The following CLSTN2 variants were observed in gnomAD, a reference collection of about 807,000 sequenced individuals.
CLSTN2 encodes calsyntenin 2, also known as calsyntenin-2.
CLSTN2 carries 48 observed loss-of-function variants against 101.2 expected under a neutral mutation model. That is an observed-to-expected ratio of 0.47 (90% confidence interval 0.38 to 0.60). The LOEUF is 0.60. CLSTN2 is among the 20% of genes least tolerant of loss of function. The pLI is 0.00. For synonymous variants in CLSTN2, 481 were observed against 463.6 expected, an observed-to-expected ratio of 1.04 and a Z score of -0.48; for missense variants, 1,160 against 1,238.2, an observed-to-expected ratio of 0.94 and a Z score of 0.95.
intron 1 of CLSTN2, among the ~76,000 whole-genome samples, chr3:139,987,508 A>G (rs977413067): frequency 6.6e-6 from 1 of 152,198 alleles, no homozygotes; most frequent in African/African-American, 2.4e-5. Context: ...CACCTTTCTC[A>G]CCAACAGGGT....
chr3:140,131,838 G>C (rs1195682743), intron 1 of CLSTN2, among the ~76,000 whole-genome samples: 1 of 152,058 alleles, frequency 6.6e-6, no homozygotes, highest in Non-Finnish European at 1.5e-5. Flanking sequence ...AAGATACAGA[G>C]GGGAGAATGC....
At chr3:140,437,207 C>T (rs911998997) in intron 5 of CLSTN2, among the ~76,000 whole-genome samples, 3 of 152,096 alleles carry the variant, frequency 2.0e-5, no homozygotes, top group Non-Finnish European at 2.9e-5. Flanking sequence ...CACCACCATG[C>T]CCAGCTAATG....
At chr3:140,357,123 A>G (rs1446232975) in intron 2 of CLSTN2, among the ~76,000 whole-genome samples, 2 of 152,206 alleles carry the variant, frequency 1.3e-5, no homozygotes, top group Non-Finnish European at 2.9e-5. Flanking sequence ...TTGAACCTCA[A>G]TCTGGAAAAT....
chr3:140,260,856 T>A (rs367815348), intron 2 of CLSTN2, among the ~76,000 whole-genome samples: 1 of 152,254 alleles, frequency 6.6e-6, no homozygotes, highest in Admixed American at 6.5e-5. Flanking sequence ...TTTGAGAAGT[T>A]TTGCTCAGTC....
intron 2 of CLSTN2, among the ~76,000 whole-genome samples, chr3:140,280,414 G>T (rs2086833270): frequency 6.6e-6 from 1 of 152,098 alleles, no homozygotes; most frequent in Non-Finnish European, 1.5e-5. Context: ...AAAATTACTG[G>T]TAGAAGAGAG....
intron 2 of CLSTN2, among the ~76,000 whole-genome samples, chr3:140,212,881 GC>G (rs1365680170): frequency 1.3e-5 from 2 of 152,136 alleles, no homozygotes; most frequent in East Asian, 3.9e-4. Flanking sequence ...CCCTCACAGT[GC>G]CCTTCATTCC....
chr3:140,230,446 A>G (rs1481197739), intron 2 of CLSTN2, among the ~76,000 whole-genome samples: 2 of 152,224 alleles, frequency 1.3e-5, no homozygotes, highest in Non-Finnish European at 2.9e-5. Context: ...TCCAAAATTT[A>G]TATGTTGAAA....
intron 2 of CLSTN2, among the ~76,000 whole-genome samples, chr3:140,356,489 G>C (rs1286541111): frequency 6.6e-6 from 1 of 152,048 alleles, no homozygotes; most frequent in Non-Finnish European, 1.5e-5. Flanking sequence ...GCTGGGCGCG[G>C]TGGCTCATGC....
intron 1 of CLSTN2, among the ~76,000 whole-genome samples, chr3:139,994,895 T>C (rs558550648): frequency 6.6e-6 from 1 of 152,338 alleles, no homozygotes; most frequent in South Asian, 2.1e-4. Context: ...TTCCTTCTTA[T>C]TTCTTTTCCT....
At chr3:140,323,761 G>A (rs2087305854) in intron 2 of CLSTN2, among the ~76,000 whole-genome samples, 1 of 152,208 alleles carries the variant, frequency 6.6e-6, no homozygotes, top group Non-Finnish European at 1.5e-5. Flanking sequence ...GACTCAACTG[G>A]AAGAAACAAT....
intron 2 of CLSTN2, among the ~76,000 whole-genome samples, chr3:140,371,448 C>T (rs1351382933): frequency 1.3e-5 from 2 of 152,186 alleles, no homozygotes; most frequent in African/African-American, 2.4e-5. Context: ...CCCTCAGAGA[C>T]TAATGCACAC....
intron 4 of CLSTN2, among the ~76,000 whole-genome samples, chr3:140,408,864 A>G (rs2088333270): frequency 6.6e-6 from 1 of 152,108 alleles, no homozygotes; most frequent in African/African-American, 2.4e-5. Context: ...AACTCCCATC[A>G]CCAGGTCTAA....
chr3:140,233,232 T>C (rs2086386456), intron 2 of CLSTN2, among the ~76,000 whole-genome samples: 1 of 152,178 alleles, frequency 6.6e-6, no homozygotes, highest in Non-Finnish European at 1.5e-5. Context: ...TCCTCCCGCC[T>C]CTAGCTTTTA....
At chr3:140,173,636 C>G (rs1325666408) in intron 1 of CLSTN2, among the ~76,000 whole-genome samples, 1 of 152,234 alleles carries the variant, frequency 6.6e-6, no homozygotes, top group African/African-American at 2.4e-5. Context: ...GCCTGGGCAT[C>G]CAGGCATTTC....
chr3:140,022,717 G>A (rs529539188), intron 1 of CLSTN2, among the ~76,000 whole-genome samples: 5 of 152,302 alleles, frequency 3.3e-5, no homozygotes, highest in African/African-American at 1.2e-4. Context: ...CAAGTTTTAT[G>A]TAATAGTGAT....
chr3:140,338,241 C>G (rs888272775), intron 2 of CLSTN2, among the ~76,000 whole-genome samples: 1 of 152,156 alleles, frequency 6.6e-6, no homozygotes, highest in Non-Finnish European at 1.5e-5. Context: ...CTTTAAGAAA[C>G]TTAGTGATAG....
intron 8 of CLSTN2, among the ~76,000 whole-genome samples, chr3:140,509,657 G>A (rs78446762): frequency 0.11 from 16,847 of 151,348 alleles, 1,078 homozygotes; most frequent in Non-Finnish European, 0.15. Flanking sequence ...GAATGGGGGG[G>A]CCTCATCTCC....
intron 2 of CLSTN2, among the ~76,000 whole-genome samples, chr3:140,329,380 T>A (rs1339626068): frequency 2.0e-5 from 3 of 152,196 alleles, no homozygotes; most frequent in African/African-American, 7.2e-5. Flanking sequence ...ATTGAGACTG[T>A]CTCCTAAATA....
At chr3:140,450,319 C>T (rs563214962) in intron 6 of CLSTN2, among the ~76,000 whole-genome samples, 1 of 152,152 alleles carries the variant, frequency 6.6e-6, no homozygotes, top group Non-Finnish European at 1.5e-5. Flanking sequence ...TCCATCCAGG[C>T]CTCCATCCAG....
Sources: allele counts gnomAD v4.1 joint callset (sites outside exome capture counted in the v4.1 genomes callset), GRCh38; gene constraint gnomAD v4.1.1; transcripts MANE v1.5; gene names NCBI Gene and HGNC (gene_info 2026-07-23, HGNC 2026-07-21).